The following C2CD3 variants were observed in gnomAD, a reference collection of about 807,000 sequenced individuals.
C2CD3 encodes the protein C2 domain containing 3 centriole elongation regulator.
Under a neutral mutation model 234.0 loss-of-function variants are expected in C2CD3, and 148 were observed. The ratio of observed to expected loss-of-function variants is 0.63; its 90% CI spans 0.55 to 0.72. The LOEUF (loss-of-function observed/expected upper bound fraction) is 0.72, where lower values mean the gene tolerates loss of function less well. Ranked by LOEUF, C2CD3 falls within the 30% of genes least tolerant of loss-of-function variation. The pLI, the probability that C2CD3 is intolerant of heterozygous loss-of-function variation, is 0.00. For synonymous variants in C2CD3, 1,000 were observed against 1,035.4 expected (o/e 0.97, Z 0.66); for missense variants, 2,577 against 2,811.5 (o/e 0.92, Z 1.89).
At chr11:74,151,472 A>G (rs1855655739) in intron 3 of C2CD3, among the ~76,000 whole-genome samples, 1 of 152,018 alleles carries the variant, frequency 6.6e-6, no homozygotes, top group Admixed American at 6.6e-5. Flanking sequence ...GATTACAGGC[A>G]CATGCCACCA....
At chr11:74,085,132 G>A (rs1955581746) in intron 21 of C2CD3, among the ~76,000 whole-genome samples, 162 bp from the exon 22 acceptor site, 1 of 150,408 alleles carries the variant, frequency 6.6e-6, no homozygotes, top group Admixed American at 6.6e-5. Context: ...ATCAAAGCCT[G>A]AATGCCTTCA....
intron 3 of C2CD3, 81 bp downstream of exon 3, chr11:74,161,318 C>T (rs1031219622): frequency 1.3e-6 from 1 of 769,784 alleles, no homozygotes; most frequent in African/African-American, 1.8e-5. Flanking sequence ...AGCCATGGAC[C>T]TATCCATTCT....
intron 32 of C2CD3, among the ~76,000 whole-genome samples, chr11:74,021,480 G>T (rs7117091): frequency 0.079 from 12,049 of 152,166 alleles, 1,461 homozygotes; most frequent in African/African-American, 0.26. Context: ...TAACCATCGG[G>T]AGTCTTCAGC....
intron 24 of C2CD3, among the ~76,000 whole-genome samples, chr11:74,065,944 T>G: frequency 7.0e-6 from 1 of 143,248 alleles, no homozygotes; most frequent in Admixed American, 6.9e-5. Flanking sequence ...GGGATAGCAT[T>G]AGGAGATATA....
intron 3 of C2CD3, among the ~76,000 whole-genome samples, chr11:74,158,925 T>C (rs931892915): frequency 6.6e-6 from 1 of 152,170 alleles, no homozygotes; most frequent in Non-Finnish European, 1.5e-5. Flanking sequence ...GTACAATCAT[T>C]ATGGTCAACA....
intron 24 of C2CD3, among the ~76,000 whole-genome samples, chr11:74,073,661 A>T (rs998115034): frequency 1.3e-5 from 2 of 152,074 alleles, no homozygotes; most frequent in East Asian, 3.9e-4. Flanking sequence ...AATCATAGTT[A>T]TAAGTGATAT....
chr11:74,114,192 T>A (rs976308635), intron 10 of C2CD3, among the ~76,000 whole-genome samples, 192 bp downstream of exon 10: 1 of 152,124 alleles, frequency 6.6e-6, no homozygotes, highest in Admixed American at 6.5e-5. Context: ...AGAGTCTGTA[T>A]CTTAATTTTC....
intron 30 of C2CD3, 182 bp from the exon 31 acceptor site, chr11:74,034,460 A>G: frequency 6.4e-7 from 1 of 1,550,596 alleles, no homozygotes. Context: ...TTAGTACTTT[A>G]TTCTAATATC....
chr11:74,109,402 G>A lies in C2CD3; in HGVS notation c.1844-250C>T, dbSNP rs569688496. ...CTCCGCTTTGCCATGAGAAATGAAT[G>A]TCAATCATATGAGTACTGGATGTGT... On this transcript the variant is annotated intron_variant, in intron 11 of 32. Transcript: ENST00000334126. The A allele has an allele frequency of 5.3e-5, 21 of 394,260 alleles. No individual in the cohort carries two copies. In the East Asian group the frequency reaches 5.7e-4, roughly 11 times the overall value. 24.4% of individuals were successfully genotyped at this position (394,260 alleles called of 1,614,324 possible).
At chr11:74,034,551 G>T in intron 30 of C2CD3, 1 of 1,613,452 alleles carries the variant, frequency 6.2e-7, no homozygotes, top group East Asian at 2.2e-5. Context: ...CTCAGGAATC[G>T]TTGGGAGCTG....
At chr11:74,148,294 T>C (rs1205839999) in intron 3 of C2CD3, among the ~76,000 whole-genome samples, 1 of 152,084 alleles carries the variant, frequency 6.6e-6, no homozygotes, top group Non-Finnish European at 1.5e-5. Context: ...TCTAGCCAGA[T>C]CAAATGAATG....
chr11:74,148,018 CTT>C (rs1487184836), intron 3 of C2CD3, among the ~76,000 whole-genome samples: 2 of 152,116 alleles, frequency 1.3e-5, no homozygotes, highest in East Asian at 3.9e-4. Flanking sequence ...ATGTTGAAAT[CTT>C]AAATTTTACA....
At chr11:74,060,496 A>G (rs1403181402) in intron 24 of C2CD3, among the ~76,000 whole-genome samples, 2 of 152,234 alleles carry the variant, frequency 1.3e-5, no homozygotes, top group African/African-American at 2.4e-5. Flanking sequence ...GGTGATACCC[A>G]GGCAAACAGG....
At chr11:74,104,952 C>T (rs1481029257) in intron 13 of C2CD3, among the ~76,000 whole-genome samples, 1 of 152,110 alleles carries the variant, frequency 6.6e-6, no homozygotes, top group African/African-American at 2.4e-5. Flanking sequence ...AAAACTATAA[C>T]TTGGATAGCA....
chr11:74,161,221 G>A (rs147545433), intron 3 of C2CD3, among the ~76,000 whole-genome samples, 178 bp downstream of exon 3: 238 of 152,256 alleles, frequency 1.6e-3, no homozygotes, highest in African/African-American at 5.2e-3. Flanking sequence ...GGCACTAAGA[G>A]GATTTGGATA....
Position 74,090,704 on chromosome 11 carries a change from G to T in C2CD3, c.3641+109C>A, listed in dbSNP as rs1349005159. On this transcript the variant is annotated intron_variant, in intron 20 of 32. Transcript: ENST00000334126. ...TTATTAACAGAAAAAGAGGAGTTGT[G>T]GTTAGTGAACTGGAAATTATACCTA... 13 of 1,160,090 alleles carry T rather than the reference G, an allele frequency of 1.1e-5. No homozygotes were observed. In the East Asian group the frequency reaches 2.6e-4, roughly 23 times the overall value. 71.9% of individuals were successfully genotyped at this position (1,160,090 alleles called of 1,614,324 possible).
intron 7 of C2CD3, among the ~76,000 whole-genome samples, chr11:74,126,309 G>A (rs916988337): frequency 5.3e-5 from 8 of 151,804 alleles, no homozygotes; most frequent in Admixed American, 6.6e-5. Flanking sequence ...TTTTAATATG[G>A]TCTCTCAGTA....
intron 32 of C2CD3, among the ~76,000 whole-genome samples, chr11:74,013,978 ACT>A (rs1375634498): frequency 6.6e-6 from 1 of 151,746 alleles, no homozygotes; most frequent in Non-Finnish European, 1.5e-5. Context: ...TGAATAATAC[ACT>A]CTCTGTTTGG....
intron 24 of C2CD3, among the ~76,000 whole-genome samples, chr11:74,068,258 C>A (rs373167994): frequency 6.6e-6 from 1 of 152,060 alleles, no homozygotes; most frequent in Non-Finnish European, 1.5e-5. Flanking sequence ...TTTCCTTTTT[C>A]GGTCTTAAGC....
Sources: gnomAD v4.1 joint callset for allele counts (sites outside exome capture counted in the v4.1 genomes callset) on GRCh38, gnomAD v4.1.1 for gene constraint, MANE v1.5 for transcripts, NCBI Gene and HGNC (gene_info 2026-07-23, HGNC 2026-07-21) for gene names.